RUNX1T1: variants seen among roughly 807,000 people sequenced by gnomAD.
The protein encoded by RUNX1T1 is RUNX1 partner transcriptional co-repressor 1, also known as protein CBFA2T1.
Under a neutral mutation model 62.8 loss-of-function variants are expected in RUNX1T1, and 4 were observed. The ratio of observed to expected loss-of-function variants is 0.06; its 90% confidence interval spans 0.03 to 0.15. The LOEUF (loss-of-function observed/expected upper bound fraction) is 0.15. Ranked by LOEUF, RUNX1T1 falls within the 10% of genes least tolerant of loss-of-function variation. RUNX1T1 has a pLI of 1.00. For synonymous variants in RUNX1T1, 291 were observed against 286.0 expected, an observed-to-expected ratio of 1.02 and a Z score of -0.18; for missense variants, 508 against 754.3, an observed-to-expected ratio of 0.67 and a Z score of 3.82.
rs1029423394 is a variant in RUNX1T1 at position 92,025,950 on chromosome 8, T to C, written c.8-8587A>G. 5.3e-5 allele frequency among the ~76,000 whole-genome samples: 8 copies of C among 152,222 alleles called. No individual in the cohort carries two copies. In the South Asian group the frequency reaches 1.2e-3, roughly 24 times the overall value. On this transcript the variant is annotated intron_variant, in intron 1 of 10. Coordinates refer to ENST00000396218, the Ensembl canonical transcript of RUNX1T1. ...TAGTATATGATATTAGAAAAAAAGTTTGTAAGGCAATTTATACACATATGA... is the reference window on the plus strand; with the variant it reads ...TAGTATATGATATTAGAAAAAAAGTCTGTAAGGCAATTTATACACATATGA...
chr8:92,077,703 A>C (rs1313893421), intron 1 of RUNX1T1, among the ~76,000 whole-genome samples: 5 of 152,116 alleles, frequency 3.3e-5, no homozygotes, highest in African/African-American at 1.2e-4. Flanking sequence ...GCCTGACAAA[A>C]GTGGATCATG....
chr8:92,055,641 T>C (rs755495862), intron 1 of RUNX1T1, among the ~76,000 whole-genome samples: 1 of 152,188 alleles, frequency 6.6e-6, no homozygotes, highest in South Asian at 2.1e-4. Flanking sequence ...CACTGGTATA[T>C]AAAGAATGCC....
intron 1 of RUNX1T1, among the ~76,000 whole-genome samples, chr8:92,030,198 C>T (rs1356861294): frequency 6.6e-6 from 1 of 152,162 alleles, no homozygotes; most frequent in Non-Finnish European, 1.5e-5. Context: ...CTCCCCTATC[C>T]TACCCACTGT....
At chr8:92,069,977 T>G (rs917390075) in intron 2 of RUNX1T1, among the ~76,000 whole-genome samples, 2 of 152,226 alleles carry the variant, frequency 1.3e-5, no homozygotes, top group African/African-American at 4.8e-5. Flanking sequence ...ATGTTTTCCC[T>G]TCACTTTCCA....
intron 1 of RUNX1T1, among the ~76,000 whole-genome samples, chr8:92,060,016 T>C (rs1347788486): frequency 3.3e-5 from 5 of 152,148 alleles, no homozygotes; most frequent in African/African-American, 9.7e-5. Flanking sequence ...GGTCAACATA[T>C]GTTCTTTGAT....
chr8:92,057,977 G>A lies in RUNX1T1; in HGVS notation c.7+4569C>T, dbSNP rs1475122845. ...CAAAAAATGCTAAGTTACATGAACT[G>A]AGATCCAATCTGCAGCAAGTAGAAG... On this transcript the variant is annotated intron_variant, in intron 1 of 10. Coordinates refer to ENST00000396218, the Ensembl canonical transcript of RUNX1T1. Among the ~76,000 whole-genome samples the A allele has an allele frequency of 3.3e-5, 5 of 152,272 alleles. No homozygotes were observed. The East Asian group carries it at 9.7e-4, about 29-fold the overall frequency.
At chr8:92,061,716 C>A (rs1165402129) in intron 1 of RUNX1T1, among the ~76,000 whole-genome samples, 7 of 152,192 alleles carry the variant, frequency 4.6e-5, no homozygotes, top group Non-Finnish European at 1.0e-4. Flanking sequence ...GCCTCTTCTG[C>A]CTGTCCTACC....
At position 91,994,660 on chromosome 8, in the gene RUNX1T1, T is replaced by C. The variant is rs1169800341; in HGVS notation, c.660-2771A>G. Reference sequence around the variant, plus strand: ...AAGGGTTGGACTAGATCAGTGGTTTTCAAACTGTGCCACCTGAGGTGCTGA... The same window carrying C: ...AAGGGTTGGACTAGATCAGTGGTTTCCAAACTGTGCCACCTGAGGTGCTGA... On this transcript the variant is annotated intron_variant, in intron 5 of 10. Transcript: ENST00000396218. 1.2e-5 allele frequency: 6 copies of C among 499,204 alleles called. No homozygotes were observed. In the East Asian group the frequency reaches 2.7e-4, roughly 22 times the overall value. 30.9% of individuals were successfully genotyped at this position (499,204 alleles called of 1,614,324 possible).
At chr8:92,090,636 G>A (rs1220656019) in intron 1 of RUNX1T1, among the ~76,000 whole-genome samples, 2 of 152,198 alleles carry the variant, frequency 1.3e-5, no homozygotes, top group African/African-American at 4.8e-5. Context: ...TGGGGGTGAA[G>A]AGGGGATAAC....
intron 2 of RUNX1T1, among the ~76,000 whole-genome samples, chr8:92,070,831 A>G (rs1241636503): frequency 2.6e-5 from 4 of 152,254 alleles, no homozygotes; most frequent in Admixed American, 1.3e-4. Flanking sequence ...TTCAGTCTGC[A>G]TGACAGAATC....
intron 1 of RUNX1T1, among the ~76,000 whole-genome samples, chr8:92,056,867 CATCT>C (rs1375718117): frequency 5.9e-5 from 9 of 152,110 alleles, no homozygotes; most frequent in Non-Finnish European, 1.5e-5. Flanking sequence ...GAAAACCATC[CATCT>C]GACCTTCCGA....
intron 1 of RUNX1T1, among the ~76,000 whole-genome samples, chr8:92,081,585 T>C (rs1835281426): frequency 6.6e-6 from 1 of 150,558 alleles, no homozygotes; most frequent in Admixed American, 6.6e-5. Flanking sequence ...AGACTCTCTC[T>C]AGGGAATAAG....
At chr8:92,083,404 G>GA (rs557946565) in intron 1 of RUNX1T1, among the ~76,000 whole-genome samples, 1 of 151,870 alleles carries the variant, frequency 6.6e-6, no homozygotes, top group Non-Finnish European at 1.5e-5. Flanking sequence ...AAATTTACAA[G>GA]AAAAAAACAA....
intron 4 of RUNX1T1, 82 bp from the exon 6 acceptor site, chr8:92,005,379 G>C: frequency 7.9e-7 from 1 of 1,268,924 alleles, no homozygotes; most frequent in Non-Finnish European, 1.1e-6. Flanking sequence ...TCGAACACTG[G>C]AGAAGAGTAT....
intron 2 of RUNX1T1, among the ~76,000 whole-genome samples, chr8:92,070,482 T>C (rs1184024157): frequency 6.6e-6 from 1 of 152,192 alleles, no homozygotes; most frequent in Non-Finnish European, 1.5e-5. Context: ...CAGAGCTACT[T>C]ACGCTGTGCA....
At chr8:92,013,991 C>A (rs983138328) in intron 3 of RUNX1T1, among the ~76,000 whole-genome samples, 13 of 151,880 alleles carry the variant, frequency 8.6e-5, no homozygotes, top group African/African-American at 3.1e-4. Flanking sequence ...ATAATGCCAC[C>A]AAACTGTACA....
At chr8:92,089,969 C>T (rs1471547021) in intron 1 of RUNX1T1, among the ~76,000 whole-genome samples, 5 of 146,604 alleles carry the variant, frequency 3.4e-5, no homozygotes, top group African/African-American at 1.3e-4. Context: ...TTTCACTCTC[C>T]TAACCCTGGG....
intron 2 of RUNX1T1, among the ~76,000 whole-genome samples, chr8:92,072,273 T>C (rs1039009675): frequency 6.6e-6 from 1 of 152,242 alleles, no homozygotes; most frequent in Admixed American, 6.5e-5. Context: ...ATTTTAAATT[T>C]TGATAGTGGT....
chr8:92,044,216 G>A (rs1022468779), intron 1 of RUNX1T1, among the ~76,000 whole-genome samples: 8 of 152,032 alleles, frequency 5.3e-5, no homozygotes, highest in South Asian at 2.1e-4. Flanking sequence ...ATATGCACTC[G>A]CTTACACAAA....
Sources: allele counts gnomAD v4.1 joint callset (sites outside exome capture counted in the v4.1 genomes callset), GRCh38; gene constraint gnomAD v4.1.1; transcripts MANE v1.5; gene names NCBI Gene and HGNC (gene_info 2026-07-23, HGNC 2026-07-21).